Variants in MACF1 observed in about 807,000 individuals in gnomAD.
MACF1 encodes microtubule actin crosslinking factor 1.
MACF1 carries 193 observed loss-of-function variants against 854.8 expected under a neutral mutation model. The observed-to-expected ratio is 0.23, with a 90% CI of 0.20 to 0.25. The LOEUF (loss-of-function observed/expected upper bound fraction) is 0.25, where lower values mean the gene tolerates loss of function less well. Ranked by LOEUF, MACF1 falls within the 10% of genes least tolerant of loss-of-function variation. The pLI, the probability that MACF1 is intolerant of heterozygous loss-of-function variation, is 1.00. For synonymous variants in MACF1, 3,185 were observed against 3,226.7 expected, an observed-to-expected ratio of 0.99 and a Z score of 0.44; for missense variants, 7,722 against 8,929.1, an observed-to-expected ratio of 0.86 and a Z score of 5.45.
At chr1:39,265,796 G>A (rs1230065645) in intron 6 of MACF1, among the ~76,000 whole-genome samples, 1 of 152,134 alleles carries the variant, frequency 6.6e-6, no homozygotes, top group African/African-American at 2.4e-5. Flanking sequence ...CCGGGGGCTG[G>A]GGATGTCTCA....
intron 2 of MACF1, among the ~76,000 whole-genome samples, chr1:39,199,456 G>A (rs1644363127): frequency 6.6e-6 from 1 of 151,936 alleles, no homozygotes; most frequent in South Asian, 2.1e-4. Context: ...AACCTGGGCT[G>A]TAACATAGTA....
At chr1:39,157,059 T>G (rs1643705872) in intron 2 of MACF1, among the ~76,000 whole-genome samples, 1 of 151,664 alleles carries the variant, frequency 6.6e-6, no homozygotes, top group South Asian at 2.1e-4. Flanking sequence ...AGCCTCAACT[T>G]CCTGGGCTCA....
chr1:39,243,370 C>T (rs1016867149), intron 2 of MACF1, among the ~76,000 whole-genome samples: 4 of 152,166 alleles, frequency 2.6e-5, no homozygotes, highest in Admixed American at 2.0e-4. Flanking sequence ...ATTGATGATT[C>T]CTGAACAGTC....
intron 2 of MACF1, among the ~76,000 whole-genome samples, chr1:39,091,574 C>T (rs1641804359): frequency 6.6e-6 from 1 of 152,128 alleles, no homozygotes; most frequent in Non-Finnish European, 1.5e-5. Context: ...CGGCTTACTG[C>T]AGCCTCCACC....
chr1:39,195,584 C>A (rs1218955632), intron 2 of MACF1, among the ~76,000 whole-genome samples: 2 of 152,140 alleles, frequency 1.3e-5, no homozygotes, highest in Non-Finnish European at 2.9e-5. Flanking sequence ...GAGAAGTTTA[C>A]TTCTCACTGG....
intron 49 of MACF1, among the ~76,000 whole-genome samples, chr1:39,362,038 A>G (rs923960188): frequency 1.3e-5 from 2 of 152,214 alleles, no homozygotes; most frequent in Admixed American, 6.5e-5. Flanking sequence ...TAGTCAAAGC[A>G]CTTTCCACAA....
At chr1:39,255,586 G>A (rs988877106) in intron 5 of MACF1, among the ~76,000 whole-genome samples, 4 of 152,110 alleles carry the variant, frequency 2.6e-5, no homozygotes, top group African/African-American at 9.7e-5. Flanking sequence ...TTTACTTCTG[G>A]TATAACATTT....
intron 21 of MACF1, among the ~76,000 whole-genome samples, chr1:39,298,333 C>G (rs1015156306): frequency 6.6e-6 from 1 of 152,066 alleles, no homozygotes; most frequent in African/African-American, 2.4e-5. Context: ...GTATTTAGTT[C>G]AAATCAATTT....
chr1:39,112,090 T>TC (rs1167643105), intron 2 of MACF1, among the ~76,000 whole-genome samples: 1 of 149,972 alleles, frequency 6.7e-6, no homozygotes, highest in African/African-American at 2.4e-5. Flanking sequence ...TTCAAATCTT[T>TC]TTTTTTTTTT....
rs767994434 is a variant in MACF1 at position 39,334,810 on chromosome 1, CTT to C, written c.8224_8225del (p.Leu2742SerfsTer5). 6.2e-7 allele frequency: 1 copy of C among 1,614,106 alleles called. No individual in the cohort carries two copies. The highest frequency in any genetic ancestry group is 1.7e-5 in the Admixed American group (1 of 60,026). ...GACATATTTAGTGATCAGAGAGTGA[CTT>C]TAGTAGAAGCTATTGAGAAAAGACT... On this transcript the variant is annotated frameshift_variant, in exon 37 of 101. Coordinates refer to ENST00000564288, the MANE Select transcript of MACF1 (RefSeq NM_001394062.1). LOFTEE classifies it high-confidence loss of function.
chr1:39,118,396 A>G (rs1642599457), intron 2 of MACF1, among the ~76,000 whole-genome samples: 1 of 152,238 alleles, frequency 6.6e-6, no homozygotes, highest in African/African-American at 2.4e-5. Flanking sequence ...TAGGTGGGGT[A>G]CTTTGAGGTC....
intron 2 of MACF1, among the ~76,000 whole-genome samples, chr1:39,167,408 T>C (rs942298881): frequency 8.6e-5 from 13 of 151,382 alleles, no homozygotes; most frequent in Admixed American, 8.6e-4. Context: ...CCATCTCTAC[T>C]AAAAATACAA....
chr1:39,425,864 G>A (rs954897443), intron 61 of MACF1, among the ~76,000 whole-genome samples: 5 of 152,044 alleles, frequency 3.3e-5, no homozygotes, highest in Admixed American at 3.3e-4. Context: ...GTCATGGTTT[G>A]TTTATCTAAT....
rs577875816 is a variant in MACF1, at chr1:39,113,900, G to T, written c.220+29462G>T. On this transcript the variant is annotated intron_variant, in intron 2 of 93. Coordinates refer to the MACF1 transcript ENST00000361689. ...AAAATACAAAAATTAGCCAGGCATG[G>T]TGGTACATGCCTGTAGTCCCAGCTA... Among the ~76,000 whole-genome samples, 3 of 152,220 alleles carry T rather than the reference G, an allele frequency of 2.0e-5. No homozygotes were observed. In the East Asian group the frequency reaches 5.8e-4, roughly 29 times the overall value.
chr1:39,084,638 C>T lies in MACF1; in HGVS notation c.220+200C>T, dbSNP rs1165643147. On this transcript the variant is annotated intron_variant, in intron 2 of 93. Transcript: ENST00000361689. This position sits in a 1 kb window ranked among gnomAD's most constrained non-coding sequence, Gnocchi z 5.2. ...CTCAAAAGAGGAAAATCTGCCACCCCTTGCTCACGTGAGACCTGTTTTCAT... is the reference window on the plus strand; with the variant it reads ...CTCAAAAGAGGAAAATCTGCCACCCTTTGCTCACGTGAGACCTGTTTTCAT... 6.6e-6 allele frequency among the ~76,000 whole-genome samples: 1 copy of T among 152,224 alleles called. No individual in the cohort carries two copies. The highest frequency in any genetic ancestry group is 1.5e-5 in the Non-Finnish European group (1 of 68,034).
At chr1:39,193,223 AT>A (rs1251938738) in intron 2 of MACF1, among the ~76,000 whole-genome samples, 2 of 151,748 alleles carry the variant, frequency 1.3e-5, no homozygotes, top group Non-Finnish European at 1.5e-5. Flanking sequence ...TTTTTTCTCC[AT>A]TTCTTTAAGA....
chr1:39,157,650 A>G (rs1643718569), intron 2 of MACF1, among the ~76,000 whole-genome samples: 1 of 152,220 alleles, frequency 6.6e-6, no homozygotes, highest in Non-Finnish European at 1.5e-5. Context: ...GCTTCTTGCC[A>G]TGCTATCTCA....
At chr1:39,139,500 T>G (rs1053627953) in intron 2 of MACF1, among the ~76,000 whole-genome samples, 5 of 151,954 alleles carry the variant, frequency 3.3e-5, no homozygotes, top group Admixed American at 1.3e-4. Context: ...CAAGTGATCC[T>G]CCCATCTCAG....
At chr1:39,477,999 A>ATTT (rs36028217) in intron 97 of MACF1, among the ~76,000 whole-genome samples, 2,142 of 101,806 alleles carry the variant, frequency 0.021, 136 homozygotes, top group African/African-American at 0.074. Context: ...TCAGAAGTGA[A>ATTT]TTTTTTTTTT....
Sources: allele counts gnomAD v4.1 joint callset (sites outside exome capture counted in the v4.1 genomes callset), GRCh38; gene constraint gnomAD v4.1.1; non-coding constraint Gnocchi (gnomAD v3.1); transcripts MANE v1.5; gene names NCBI Gene and HGNC (gene_info 2026-07-23, HGNC 2026-07-21).